The following PAPPA variants were observed in gnomAD, a reference collection of about 807,000 sequenced individuals.
PAPPA encodes pappalysin 1.
PAPPA carries 60 observed loss-of-function variants against 164.0 expected under a neutral mutation model. The observed-to-expected ratio is 0.37, with a 90% CI of 0.30 to 0.45. The LOEUF (loss-of-function observed/expected upper bound fraction) is 0.45, where lower values mean the gene tolerates loss of function less well. Among genes scored for constraint, PAPPA ranks in the 20% least tolerant of loss-of-function variants. PAPPA has a pLI of 1.00. For missense variants in PAPPA, 1,782 were observed against 2,087.3 expected (o/e 0.85, Z 2.85); for synonymous variants, 875 against 814.1 (o/e 1.07, Z -1.27).
chr9:116,320,160 A>G (rs895100141), intron 10 of PAPPA, among the ~76,000 whole-genome samples: 3 of 152,220 alleles, frequency 2.0e-5, no homozygotes, highest in Non-Finnish European at 4.4e-5. Context: ...TGATTTCTAT[A>G]TTCCCTTTCC....
chr9:116,311,133 C>T (rs1371573834), intron 10 of PAPPA, among the ~76,000 whole-genome samples: 2 of 147,564 alleles, frequency 1.4e-5, no homozygotes, highest in Non-Finnish European at 3.0e-5. Context: ...CTTTGAGAGT[C>T]TCTTGGTCTT....
intron 7 of PAPPA, among the ~76,000 whole-genome samples, chr9:116,262,673 C>A (rs1845016994): frequency 6.6e-6 from 1 of 152,146 alleles, no homozygotes. Flanking sequence ...GACGTGGAAA[C>A]TCCTGGGTGG....
intron 10 of PAPPA, among the ~76,000 whole-genome samples, chr9:116,315,214 C>T (rs1011988818): frequency 6.6e-6 from 1 of 152,204 alleles, no homozygotes; most frequent in Non-Finnish European, 1.5e-5. Context: ...TCCCCTGTTT[C>T]ATCCCTTCAC....
At position 116,271,530 on chromosome 9, in the gene PAPPA, T is replaced by C; in HGVS notation, c.2953+114T>C. 1 of 771,878 alleles carries C rather than the reference T, an allele frequency of 1.3e-6. No homozygotes were observed. The highest frequency in any genetic ancestry group is 2.2e-6 in the Non-Finnish European group (1 of 445,028). 47.8% of individuals were successfully genotyped at this position (771,878 alleles called of 1,614,324 possible). Reference sequence around the variant, plus strand: ...TAAATGATGATTCACTCCTTTGTATTACACCTGTTTATTGAGTGCCTCCTA... The same window carrying C: ...TAAATGATGATTCACTCCTTTGTATCACACCTGTTTATTGAGTGCCTCCTA... On this transcript the variant is annotated intron_variant, in intron 9 of 21. Transcript: ENST00000328252. The surrounding 1 kb of genome is among the most constrained non-coding windows in gnomAD (Gnocchi z 4.2).
At chr9:116,395,565 T>A (rs1588035015) in intron 21 of PAPPA, among the ~76,000 whole-genome samples, 1 of 152,338 alleles carries the variant, frequency 6.6e-6, no homozygotes, top group East Asian at 1.9e-4. Context: ...AACTGCACTG[T>A]GCTCTTTGGA....
rs763187237 is a variant in PAPPA at position 116,377,607 on chromosome 9, A to T, written c.4637A>T (p.Tyr1546Phe). 2 of 1,613,820 alleles carry T rather than the reference A, an allele frequency of 1.2e-6. No individual in the cohort carries two copies. Among genetic ancestry groups the T allele is most frequent in the Non-Finnish European group, 1.7e-6 (2 of 1,179,844 alleles). Residue 1546 changes from tyrosine to phenylalanine, a missense_variant, in exon 20 of 22, where the codon TAT becomes TTT. Physicochemically the swap from Tyr to Phe is conservative, Grantham distance 22. Around this residue, in one of 2 missense-constraint regions of PAPPA, gnomAD observed 1,324 missense variants for 1,656.9 expected, o/e 0.80. Transcript: ENST00000328252. ...RVVCTAGLKW[Y>F]PHPALIHCVK... The stretch of plus-strand genomic sequence containing the variant: ...GTCTGCACTGCTGGTCTCAAGTGGT[A>T]TCCTCACCCTGCTCTGATTCACTGT...
intron 9 of PAPPA, among the ~76,000 whole-genome samples, chr9:116,301,298 G>T (rs1203491600): frequency 6.6e-6 from 1 of 152,166 alleles, no homozygotes; most frequent in East Asian, 1.9e-4. Flanking sequence ...TAAGACACTG[G>T]CTAGCAACTA....
chr9:116,222,652 A>C (rs1564189634), intron 5 of PAPPA, among the ~76,000 whole-genome samples: 1 of 152,158 alleles, frequency 6.6e-6, no homozygotes, highest in Admixed American at 6.5e-5. Context: ...AAATGAATTC[A>C]TAGAGGTAGA....
intron 1 of PAPPA, among the ~76,000 whole-genome samples, chr9:116,178,551 G>A (rs574449604): frequency 7.9e-5 from 12 of 152,312 alleles, no homozygotes; most frequent in South Asian, 6.2e-4. Context: ...GTTTACATAT[G>A]AGGAAACTAT....
At chr9:116,238,547 T>G in intron 7 of PAPPA, among the ~76,000 whole-genome samples, 1 of 152,348 alleles carries the variant, frequency 6.6e-6, no homozygotes, top group African/African-American at 2.4e-5. Flanking sequence ...GCACTCAAAC[T>G]TAAGTGCTGA....
Position 116,353,865 on chromosome 9 carries a change from T to A in PAPPA, c.4347+72T>A, listed in dbSNP as rs1846317557. 5.4e-6 allele frequency: 6 copies of A among 1,113,886 alleles called. No homozygotes were observed. In the South Asian group the frequency reaches 9.3e-5, roughly 17 times the overall value. 69.0% of individuals were successfully genotyped at this position (1,113,886 alleles called of 1,614,324 possible). Reference sequence around the variant, plus strand: ...CTGCTTACCAAAAACTAGCCTGTACTTCAGGAACCACTTTCTGCACTTTTG... The same window carrying A: ...CTGCTTACCAAAAACTAGCCTGTACATCAGGAACCACTTTCTGCACTTTTG... On this transcript the variant is annotated intron_variant, in intron 17 of 21. Coordinates refer to ENST00000328252, the MANE Select transcript of PAPPA (RefSeq NM_002581.5).
intron 11 of PAPPA, 43 bp downstream of exon 11, chr9:116,331,400 C>T: frequency 8.6e-7 from 1 of 1,159,026 alleles, no homozygotes; most frequent in Non-Finnish European, 1.3e-6. Flanking sequence ...CAGCAGCGAG[C>T]CACAGAAAAC....
chr9:116,380,852 G>C lies in PAPPA; in HGVS notation c.4678-1543G>C, dbSNP rs1421331575. Among the ~76,000 whole-genome samples the C allele has an allele frequency of 2.0e-5, 3 of 152,202 alleles. No individual in the cohort carries two copies. In the East Asian group the frequency reaches 5.8e-4, roughly 29 times the overall value. On this transcript the variant is annotated intron_variant, in intron 20 of 21. Coordinates refer to ENST00000328252, the MANE Select transcript of PAPPA (RefSeq NM_002581.5). ...TGTGAGTAAGAATTTGGAACAGAGA[G>C]GCAAAAGCCAGGAATGCCACATGGG... is the stretch of plus-strand genomic sequence containing the variant.
chr9:116,312,601 C>T (rs1255183147), intron 10 of PAPPA, among the ~76,000 whole-genome samples: 1 of 152,132 alleles, frequency 6.6e-6, no homozygotes, highest in Non-Finnish European at 1.5e-5. Flanking sequence ...TTTGGCTGTG[C>T]ACAAGATTTT....
At chr9:116,390,705 C>CGCTT (rs1459008330) in intron 21 of PAPPA, among the ~76,000 whole-genome samples, 1 of 152,070 alleles carries the variant, frequency 6.6e-6, no homozygotes, top group Middle Eastern at 3.2e-3. Context: ...CCCTGCCCCC[C>CGCTT]GCTTTGGAAT....
chr9:116,395,921 CCTTT>C (rs369233336), intron 21 of PAPPA, among the ~76,000 whole-genome samples: 203 of 152,272 alleles, frequency 1.3e-3, no homozygotes, highest in African/African-American at 4.2e-3. Flanking sequence ...ACTTCCACAT[CCTTT>C]CTTTCACTTG....
chr9:116,293,470 T>C (rs1414585275), intron 9 of PAPPA, among the ~76,000 whole-genome samples: 2 of 152,198 alleles, frequency 1.3e-5, no homozygotes, highest in East Asian at 3.9e-4. Context: ...GGAAGACTCA[T>C]AGGCAGGACC....
intron 5 of PAPPA, among the ~76,000 whole-genome samples, chr9:116,220,617 G>T (rs1844432677): frequency 6.6e-6 from 1 of 151,836 alleles, no homozygotes; most frequent in Non-Finnish European, 1.5e-5. Context: ...GGCCGGGCAT[G>T]GTGGCTCACT....
intron 1 of PAPPA, among the ~76,000 whole-genome samples, chr9:116,170,634 C>G (rs1446578920): frequency 6.7e-6 from 1 of 148,638 alleles, no homozygotes; most frequent in African/African-American, 2.5e-5. Context: ...CCCCCACTCC[C>G]TCCCTCTCTT....
Sources: allele counts gnomAD v4.1 joint callset (sites outside exome capture counted in the v4.1 genomes callset), GRCh38; gene constraint gnomAD v4.1.1; regional missense constraint gnomAD v4.1.1; non-coding constraint Gnocchi (gnomAD v3.1); transcripts MANE v1.5; gene names NCBI Gene and HGNC (gene_info 2026-07-23, HGNC 2026-07-21).